SLC25A21: variants seen among roughly 807,000 people sequenced by gnomAD.
SLC25A21 encodes mitochondrial 2-oxodicarboxylate carrier.
A neutral mutation model predicts 43.8 loss-of-function variants in SLC25A21; 47 were observed. The ratio of observed to expected loss-of-function variants is 1.07; its 90% CI spans 0.85 to 1.37. SLC25A21 has a LOEUF of 1.37. SLC25A21 is among the 40% of genes most tolerant of loss of function. The pLI, the probability that SLC25A21 is intolerant of heterozygous loss-of-function variation, is 0.00. For missense variants in SLC25A21, 352 were observed against 350.2 expected, an observed-to-expected ratio of 1.00 and a Z score of -0.04; for synonymous variants, 131 against 121.3, an observed-to-expected ratio of 1.08 and a Z score of -0.52.
intron 2 of SLC25A21, among the ~76,000 whole-genome samples, chr14:36,855,204 G>C (rs1889862791): frequency 6.6e-6 from 1 of 151,920 alleles, no homozygotes. Flanking sequence ...GAGAAGCTGA[G>C]TACCCTGTAA....
intron 3 of SLC25A21, among the ~76,000 whole-genome samples, chr14:36,783,515 A>T (rs764391679): frequency 6.6e-6 from 1 of 152,012 alleles, no homozygotes; most frequent in Non-Finnish European, 1.5e-5. Context: ...GGCAAGAAAG[A>T]GGTTGGCCTC....
intron 7 of SLC25A21, among the ~76,000 whole-genome samples, chr14:36,699,455 T>A (rs763454489): frequency 6.6e-6 from 1 of 152,304 alleles, no homozygotes; most frequent in East Asian, 1.9e-4. Flanking sequence ...TCAAACGCCA[T>A]GCTGGGAGAA....
At chr14:36,784,716 A>G (rs2081722813) in intron 3 of SLC25A21, among the ~76,000 whole-genome samples, 1 of 152,300 alleles carries the variant, frequency 6.6e-6, no homozygotes, top group East Asian at 1.9e-4. Flanking sequence ...TAGGCTTTGT[A>G]TCTCTCTTCC....
At chr14:36,906,674 T>C (rs1202017851) in intron 1 of SLC25A21, among the ~76,000 whole-genome samples, 1 of 151,874 alleles carries the variant, frequency 6.6e-6, no homozygotes, top group Non-Finnish European at 1.5e-5. Flanking sequence ...CCCAGCTAAT[T>C]TTTGTATTTT....
chr14:37,122,632 C>T (rs889878360), intron 1 of SLC25A21, among the ~76,000 whole-genome samples: 15 of 22,390 alleles, frequency 6.7e-4, no homozygotes, highest in African/African-American at 1.4e-3. Context: ...AGAAACAATA[C>T]GATATAGTAT....
intron 2 of SLC25A21, among the ~76,000 whole-genome samples, chr14:36,822,158 G>A (rs1261535577): frequency 6.6e-6 from 1 of 152,168 alleles, no homozygotes; most frequent in Admixed American, 6.5e-5. Context: ...TAGGAACTTG[G>A]TTCACCTGCA....
intron 3 of SLC25A21, among the ~76,000 whole-genome samples, chr14:36,755,493 A>G (rs1885890469): frequency 6.6e-6 from 1 of 152,170 alleles, no homozygotes; most frequent in Non-Finnish European, 1.5e-5. Flanking sequence ...ATGTGACCCA[A>G]ACTCCCATGG....
At chr14:37,063,741 C>T (rs1310883187) in intron 1 of SLC25A21, among the ~76,000 whole-genome samples, 1 of 152,090 alleles carries the variant, frequency 6.6e-6, no homozygotes, top group Non-Finnish European at 1.5e-5. Flanking sequence ...AAATCTCTCC[C>T]CAGAGAATTT....
chr14:37,001,054 T>A (rs1960478662), intron 1 of SLC25A21, among the ~76,000 whole-genome samples: 1 of 152,158 alleles, frequency 6.6e-6, no homozygotes, highest in African/African-American at 2.4e-5. Flanking sequence ...TGTGAATCAC[T>A]CCATCCTTTT....
intron 3 of SLC25A21, among the ~76,000 whole-genome samples, chr14:36,788,032 G>A (rs948930393): frequency 4.6e-5 from 7 of 152,136 alleles, no homozygotes; most frequent in African/African-American, 1.4e-4. Context: ...ATTGCTCTCC[G>A]TACTTTGCAA....
chr14:36,949,938 G>A (rs929235587), intron 1 of SLC25A21, among the ~76,000 whole-genome samples: 1 of 152,060 alleles, frequency 6.6e-6, no homozygotes, highest in African/African-American at 2.4e-5. Context: ...GAAAACTCTG[G>A]GTTAAATACA....
At chr14:36,987,946 C>T (rs928612725) in intron 1 of SLC25A21, among the ~76,000 whole-genome samples, 1 of 152,078 alleles carries the variant, frequency 6.6e-6, no homozygotes, top group Non-Finnish European at 1.5e-5. Flanking sequence ...CATTATGTTT[C>T]TAAAGTTTGA....
In SLC25A21 at chr14:37,157,802, A is replaced by T. The variant is rs919955220; in HGVS notation, c.70+14479T>A. 2.6e-5 allele frequency among the ~76,000 whole-genome samples: 4 copies of T among 152,204 alleles called. No individual in the cohort carries two copies. In the East Asian group the frequency reaches 7.7e-4, roughly 29 times the overall value. On this transcript the variant is annotated intron_variant, in intron 1 of 9. Transcript: ENST00000331299. ...AATATAAAGGATAAACAAAACAAAAAGTTGGCTATTCAAAGGATAAATAAA... is the reference window on the plus strand; with the variant it reads ...AATATAAAGGATAAACAAAACAAAATGTTGGCTATTCAAAGGATAAATAAA...
intron 6 of SLC25A21, among the ~76,000 whole-genome samples, chr14:36,717,527 C>T (rs1884193170): frequency 6.6e-6 from 1 of 152,212 alleles, no homozygotes; most frequent in Non-Finnish European, 1.5e-5. Context: ...CCTGGAGGAG[C>T]ACGGCACCCT....
At chr14:36,936,667 TC>T (rs755507067) in intron 1 of SLC25A21, among the ~76,000 whole-genome samples, 1 of 152,226 alleles carries the variant, frequency 6.6e-6, no homozygotes, top group Non-Finnish European at 1.5e-5. Context: ...TGGGTTTTAA[TC>T]AGCAGGAATG....
intron 1 of SLC25A21, among the ~76,000 whole-genome samples, chr14:37,001,045 G>A (rs1159328362): frequency 1.3e-5 from 2 of 152,132 alleles, no homozygotes; most frequent in Non-Finnish European, 2.9e-5. Flanking sequence ...CACCACCACT[G>A]TGAATCACTC....
At chr14:37,073,229 T>C (rs1167992939) in intron 1 of SLC25A21, among the ~76,000 whole-genome samples, 1 of 152,242 alleles carries the variant, frequency 6.6e-6, no homozygotes, top group South Asian at 2.1e-4. Context: ...GAGAATATTG[T>C]ATAGACCTTG....
intron 3 of SLC25A21, among the ~76,000 whole-genome samples, chr14:36,781,903 T>G (rs1004617151): frequency 3.3e-5 from 5 of 152,210 alleles, no homozygotes; most frequent in African/African-American, 1.2e-4. Context: ...GAACTCCTTT[T>G]AGCATTTCTG....
At chr14:37,164,363 T>G (rs1044219430) in intron 1 of SLC25A21, among the ~76,000 whole-genome samples, 40 of 152,282 alleles carry the variant, frequency 2.6e-4, no homozygotes, top group African/African-American at 9.6e-4. Context: ...TATTTTTTTC[T>G]CCCTAATTAC....
Sources: allele counts gnomAD v4.1 joint callset (sites outside exome capture counted in the v4.1 genomes callset), GRCh38; gene constraint gnomAD v4.1.1; transcripts MANE v1.5; gene names NCBI Gene and HGNC (gene_info 2026-07-23, HGNC 2026-07-21).